The following NPAS3 variants were observed in gnomAD, a reference collection of about 807,000 sequenced individuals.
The protein encoded by NPAS3 is neuronal PAS domain protein 3.
Under a neutral mutation model 73.1 loss-of-function variants are expected in NPAS3, and 14 were observed. The observed-to-expected ratio is 0.19, with a 90% confidence interval of 0.13 to 0.30. The LOEUF (loss-of-function observed/expected upper bound fraction) is 0.30, where lower values mean the gene tolerates loss of function less well. Ranked by LOEUF, NPAS3 falls within the 10% of genes least tolerant of loss-of-function variation. NPAS3 has a pLI of 1.00. For missense variants in NPAS3, 1,096 were observed against 1,250.0 expected, an observed-to-expected ratio of 0.88 and a Z score of 1.86; for synonymous variants, 620 against 541.5, an observed-to-expected ratio of 1.14 and a Z score of -2.01.
At chr14:33,657,778 T>C (rs983440728) in intron 5 of NPAS3, among the ~76,000 whole-genome samples, 3 of 135,180 alleles carry the variant, frequency 2.2e-5, no homozygotes, top group African/African-American at 5.7e-5. Flanking sequence ...GCATTAATTA[T>C]GCAGATTATG....
intron 4 of NPAS3, among the ~76,000 whole-genome samples, chr14:33,383,872 C>T (rs1594807555): frequency 1.3e-5 from 2 of 152,208 alleles, no homozygotes; most frequent in East Asian, 1.9e-4. Context: ...TCTAAAATCT[C>T]GAGCATGTTA....
At chr14:33,069,890 C>T (rs191213654) in intron 2 of NPAS3, among the ~76,000 whole-genome samples, 70 of 152,224 alleles carry the variant, frequency 4.6e-4, no homozygotes, top group Non-Finnish European at 9.6e-4. Context: ...AAGCCTTGTT[C>T]TCTAGTTGAT....
intron 6 of NPAS3, among the ~76,000 whole-genome samples, chr14:33,700,846 G>A (rs1047186912): frequency 6.6e-6 from 1 of 152,310 alleles, no homozygotes; most frequent in African/African-American, 2.4e-5. Flanking sequence ...TCCACCACAC[G>A]TTTAAACCCA....
chr14:33,424,163 A>AGT (rs2048462519), intron 4 of NPAS3, among the ~76,000 whole-genome samples: 1 of 152,030 alleles, frequency 6.6e-6, no homozygotes, highest in Non-Finnish European at 1.5e-5. Flanking sequence ...TCCTTGAGAA[A>AGT]GTGATACTCA....
At chr14:33,659,042 T>C (rs79670885) in intron 5 of NPAS3, among the ~76,000 whole-genome samples, 4,037 of 152,202 alleles carry the variant, frequency 0.027, 159 homozygotes, top group African/African-American at 0.09. Flanking sequence ...TTCAATGCCG[T>C]TTTTTCACTT....
chr14:33,764,500 T>G (rs1339380217), intron 7 of NPAS3, among the ~76,000 whole-genome samples: 1 of 152,264 alleles, frequency 6.6e-6, no homozygotes, highest in Non-Finnish European at 1.5e-5. Context: ...AATGCATCAA[T>G]GTAGTACAGT....
chr14:33,535,096 G>C (rs762454039), intron 4 of NPAS3, among the ~76,000 whole-genome samples: 2 of 152,180 alleles, frequency 1.3e-5, no homozygotes, highest in African/African-American at 2.4e-5. Flanking sequence ...GAGAGATGCT[G>C]TTTGAGCCTT....
At chr14:33,711,998 C>A (rs2060832222) in intron 6 of NPAS3, among the ~76,000 whole-genome samples, 1 of 152,084 alleles carries the variant, frequency 6.6e-6, no homozygotes, top group African/African-American at 2.4e-5. Context: ...CACTTCGAGC[C>A]CTTCCTCTCC....
chr14:33,673,276 A>G (rs1410664775), intron 5 of NPAS3, among the ~76,000 whole-genome samples: 2 of 152,202 alleles, frequency 1.3e-5, no homozygotes, highest in African/African-American at 4.8e-5. Context: ...TCTGAACCAA[A>G]TTCTGTTTCC....
intron 7 of NPAS3, among the ~76,000 whole-genome samples, 154 bp from the exon 8 acceptor site, chr14:33,774,183 A>G (rs1595589316): frequency 6.6e-6 from 1 of 152,334 alleles, no homozygotes; most frequent in South Asian, 2.1e-4. Context: ...TCTTGCCACA[A>G]GGACACTGAG....
At chr14:33,252,985 T>A (rs1040228184) in intron 3 of NPAS3, among the ~76,000 whole-genome samples, 4 of 152,158 alleles carry the variant, frequency 2.6e-5, no homozygotes, top group African/African-American at 9.7e-5. Flanking sequence ...TTCTTTTTTA[T>A]GGCCATGTAG....
intron 3 of NPAS3, among the ~76,000 whole-genome samples, chr14:33,254,966 A>G (rs1364268004): frequency 6.6e-6 from 1 of 152,134 alleles, no homozygotes; most frequent in East Asian, 1.9e-4. Context: ...TTTGTAAAAA[A>G]AAAAACTAGT....
chr14:33,135,300 G>C (rs1026392240), intron 2 of NPAS3, among the ~76,000 whole-genome samples: 2 of 152,188 alleles, frequency 1.3e-5, no homozygotes, highest in Admixed American at 6.5e-5. Context: ...GATGATGGTT[G>C]TGGTAGCTGG....
intron 5 of NPAS3, among the ~76,000 whole-genome samples, chr14:33,636,843 T>G (rs1297138455): frequency 6.6e-6 from 1 of 152,050 alleles, no homozygotes; most frequent in African/African-American, 2.4e-5. Flanking sequence ...AGGAAATTTT[T>G]GGCATCTTCA....
chr14:33,064,475 C>T (rs552798139), intron 2 of NPAS3, among the ~76,000 whole-genome samples: 4 of 152,246 alleles, frequency 2.6e-5, no homozygotes, highest in East Asian at 1.9e-4. Flanking sequence ...ATTTGTGTTA[C>T]CTTGGAGCTC....
chr14:32,973,057 C>T (rs1331627810), intron 1 of NPAS3, among the ~76,000 whole-genome samples: 2 of 152,074 alleles, frequency 1.3e-5, no homozygotes, highest in African/African-American at 2.4e-5. Flanking sequence ...TTTGCATTGA[C>T]TGTTAGGGTG....
intron 2 of NPAS3, among the ~76,000 whole-genome samples, chr14:33,164,780 A>G (rs1391923212): frequency 6.6e-6 from 1 of 151,864 alleles, no homozygotes; most frequent in African/African-American, 2.4e-5. Flanking sequence ...AGTAAGAGGC[A>G]GAGCCAGGGT....
chr14:32,954,313 C>T (rs2036593251), intron 1 of NPAS3, among the ~76,000 whole-genome samples: 1 of 152,122 alleles, frequency 6.6e-6, no homozygotes, highest in Non-Finnish European at 1.5e-5. Flanking sequence ...TGTAAGCATG[C>T]TCGCTTCCTG....
At chr14:33,178,294 C>G (rs1434995102) in intron 2 of NPAS3, among the ~76,000 whole-genome samples, 1 of 151,836 alleles carries the variant, frequency 6.6e-6, no homozygotes, top group East Asian at 1.9e-4. Context: ...AGGATGGTCT[C>G]GATCTCTTGA....
Sources: gnomAD v4.1 joint callset for allele counts (sites outside exome capture counted in the v4.1 genomes callset) on GRCh38, gnomAD v4.1.1 for gene constraint, MANE v1.5 for transcripts, NCBI Gene and HGNC (gene_info 2026-07-23, HGNC 2026-07-21) for gene names.